STXBP5L: variants seen among roughly 807,000 people sequenced by gnomAD.
STXBP5L encodes syntaxin-binding protein 5-like.
A neutral mutation model predicts 144.5 loss-of-function variants in STXBP5L; 65 were observed. The ratio of observed to expected loss-of-function variants is 0.45; its 90% CI spans 0.37 to 0.55. The LOEUF (loss-of-function observed/expected upper bound fraction) is 0.55. Ranked by LOEUF, STXBP5L falls within the 20% of genes least tolerant of loss-of-function variation. The pLI is 0.00. For missense variants in STXBP5L, 1,298 were observed against 1,405.5 expected (o/e 0.92, Z 1.22); for synonymous variants, 505 against 469.6 (o/e 1.08, Z -0.97).
At chr3:120,948,665 C>A (rs1016087283) in intron 2 of STXBP5L, among the ~76,000 whole-genome samples, 1 of 151,908 alleles carries the variant, frequency 6.6e-6, no homozygotes, top group African/African-American at 2.4e-5. Context: ...TTTGGTTTTT[C>A]ATTCCTGAGT....
chr3:120,959,226 A>C (rs908000145), intron 3 of STXBP5L, among the ~76,000 whole-genome samples: 7 of 152,222 alleles, frequency 4.6e-5, no homozygotes, highest in Non-Finnish European at 8.8e-5. Context: ...GGAGAACTAC[A>C]AACCACTGCT....
intron 14 of STXBP5L, 110 bp downstream of exon 14, chr3:121,240,617 G>T: frequency 1.0e-6 from 1 of 992,470 alleles, no homozygotes; most frequent in Non-Finnish European, 1.5e-6. Flanking sequence ...TTAAGTAAAA[G>T]TAAAAATATA....
intron 18 of STXBP5L, among the ~76,000 whole-genome samples, chr3:121,265,651 GA>G (rs2050537640): frequency 6.6e-6 from 1 of 151,892 alleles, no homozygotes; most frequent in Non-Finnish European, 1.5e-5. Context: ...TAGAGACATG[GA>G]AAACCCTTCA....
intron 22 of STXBP5L, among the ~76,000 whole-genome samples, chr3:121,388,964 G>T (rs959392555): frequency 1.2e-4 from 18 of 152,184 alleles, no homozygotes; most frequent in African/African-American, 4.1e-4. Context: ...GAGAAGGAAT[G>T]GCACCAGCTT....
chr3:121,289,543 AC>A (rs1470933428), intron 19 of STXBP5L, among the ~76,000 whole-genome samples: 1 of 152,206 alleles, frequency 6.6e-6, no homozygotes, highest in Admixed American at 6.5e-5. Context: ...ATACCCTAGA[AC>A]AAATGGACTT....
chr3:121,019,670 A>T (rs1409203648), intron 3 of STXBP5L, among the ~76,000 whole-genome samples: 3 of 152,260 alleles, frequency 2.0e-5, no homozygotes, highest in Admixed American at 2.0e-4. Context: ...TCTGGAAGAG[A>T]AATAACAATC....
At chr3:121,255,442 C>T (rs1034777295) in intron 16 of STXBP5L, among the ~76,000 whole-genome samples, 2 of 151,602 alleles carry the variant, frequency 1.3e-5, no homozygotes, top group Middle Eastern at 3.4e-3. Context: ...TCTACCTGGC[C>T]GAAATAAGTC....
intron 9 of STXBP5L, among the ~76,000 whole-genome samples, chr3:121,189,894 G>A (rs1284942864): frequency 6.6e-6 from 1 of 152,122 alleles, no homozygotes; most frequent in East Asian, 1.9e-4. Context: ...TTATAAATAA[G>A]TACATTCATA....
intron 2 of STXBP5L, among the ~76,000 whole-genome samples, chr3:120,941,213 G>A (rs1710550411): frequency 6.6e-6 from 1 of 151,652 alleles, no homozygotes; most frequent in Non-Finnish European, 1.5e-5. Flanking sequence ...AGGCTCTTGA[G>A]CTTTAAACAA....
At chr3:121,028,810 C>T (rs1172141838) in intron 3 of STXBP5L, among the ~76,000 whole-genome samples, 1 of 152,052 alleles carries the variant, frequency 6.6e-6, no homozygotes, top group African/African-American at 2.4e-5. Context: ...CATTCAGGTT[C>T]TGTTTTTGTA....
intron 5 of STXBP5L, among the ~76,000 whole-genome samples, chr3:121,048,992 C>G (rs1384877646): frequency 2.6e-5 from 4 of 152,190 alleles, no homozygotes; most frequent in South Asian, 2.1e-4. Flanking sequence ...GGAGCAAGGG[C>G]TGCAGGGCAG....
intron 5 of STXBP5L, among the ~76,000 whole-genome samples, chr3:121,056,675 A>G (rs1342957839): frequency 6.6e-6 from 1 of 152,158 alleles, no homozygotes; most frequent in East Asian, 1.9e-4. Flanking sequence ...TATGCAATAA[A>G]GGATCTTTCT....
At chr3:121,310,434 C>A (rs907249104) in intron 19 of STXBP5L, among the ~76,000 whole-genome samples, 4 of 151,988 alleles carry the variant, frequency 2.6e-5, no homozygotes, top group African/African-American at 4.8e-5. Context: ...CACGGTGAAA[C>A]CCCGTCTCTA....
At chr3:121,064,627 C>G (rs1313765804) in intron 5 of STXBP5L, among the ~76,000 whole-genome samples, 2 of 152,110 alleles carry the variant, frequency 1.3e-5, no homozygotes, top group African/African-American at 4.8e-5. Flanking sequence ...TGTTATATTC[C>G]TTTATTTGCT....
At chr3:121,345,165 C>G (rs776133093) in intron 20 of STXBP5L, among the ~76,000 whole-genome samples, 20 of 151,972 alleles carry the variant, frequency 1.3e-4, no homozygotes, top group Non-Finnish European at 2.4e-4. Context: ...CCGCAGCCCC[C>G]CACTCCCTGA....
chr3:120,943,835 T>A (rs1710697595), intron 2 of STXBP5L, among the ~76,000 whole-genome samples: 1 of 151,456 alleles, frequency 6.6e-6, no homozygotes, highest in Non-Finnish European at 1.5e-5. Context: ...TCTTTTTTTT[T>A]TTTAAACTGG....
intron 5 of STXBP5L, among the ~76,000 whole-genome samples, chr3:121,083,968 T>C (rs2042371595): frequency 6.6e-6 from 1 of 152,100 alleles, no homozygotes; most frequent in Non-Finnish European, 1.5e-5. Flanking sequence ...TGTTTTTTCT[T>C]TTTTTCTCCT....
chr3:121,388,847 A>T (rs1029218738), intron 22 of STXBP5L, among the ~76,000 whole-genome samples: 1 of 152,144 alleles, frequency 6.6e-6, no homozygotes, highest in African/African-American at 2.4e-5. Context: ...TTGCTCTAAA[A>T]TTCTCTTTTT....
At chr3:121,022,511 C>T (rs1001310109) in intron 3 of STXBP5L, among the ~76,000 whole-genome samples, 8 of 152,078 alleles carry the variant, frequency 5.3e-5, no homozygotes, top group African/African-American at 1.9e-4. Flanking sequence ...AAATCCTCAA[C>T]AAAATACTAG....
Sources: gnomAD v4.1 joint callset for allele counts (sites outside exome capture counted in the v4.1 genomes callset) on GRCh38, gnomAD v4.1.1 for gene constraint, MANE v1.5 for transcripts, NCBI Gene and HGNC (gene_info 2026-07-23, HGNC 2026-07-21) for gene names.